Variants in RFC3 observed in about 807,000 individuals in gnomAD.
The protein encoded by RFC3 is A1 38 kDa subunit.
RFC3 carries 41 observed loss-of-function variants against 45.1 expected under a neutral mutation model. The observed-to-expected ratio is 0.91, with a 90% confidence interval of 0.71 to 1.18. The LOEUF (loss-of-function observed/expected upper bound fraction) is 1.18, where lower values mean the gene tolerates loss of function less well. RFC3 is among the 50% of genes most tolerant of loss of function. The pLI, the probability that RFC3 is intolerant of heterozygous loss-of-function variation, is 0.00. For missense variants in RFC3, 423 were observed against 428.1 expected (o/e 0.99, Z 0.10); for synonymous variants, 149 against 144.0 (o/e 1.03, Z -0.25).
In RFC3 at chr13:33,966,084, C is replaced by T. The variant is rs200038887; in HGVS notation, c.880-3C>T. 102 of 1,604,788 alleles carry T rather than the reference C, an allele frequency of 6.4e-5. No homozygotes were observed. In the Middle Eastern group the frequency reaches 1.2e-3, roughly 18 times the overall value. ...TTGATTGGATAGTGAATATCTCTTA[C>T]AGGCATGTAAGGAGGAATCAAGAAG... On this transcript the variant is annotated splice_polypyrimidine_tract_variant and splice_region_variant and intron_variant, in intron 8 of 8. Coordinates refer to the RFC3 transcript ENST00000434425.
chr13:33,909,159 A>G (rs1449386721), intron 8 of RFC3, among the ~76,000 whole-genome samples: 1 of 149,742 alleles, frequency 6.7e-6, no homozygotes. Context: ...TGTAATATAC[A>G]TTTTTTTTTT....
the RFC3 span, among the ~76,000 whole-genome samples, chr13:33,972,025 G>A: frequency 1.3e-5 from 2 of 152,132 alleles, no homozygotes; most frequent in Admixed American, 6.5e-5. Flanking sequence ...TGAGGCAAGA[G>A]AATCACTTGA....
At chr13:33,868,013 C>T (rs1445609451) in intron 8 of RFC3, among the ~76,000 whole-genome samples, 1 of 152,200 alleles carries the variant, frequency 6.6e-6, no homozygotes, top group Non-Finnish European at 1.5e-5. Context: ...TCACTCAGAG[C>T]TCTTAGACTT....
intron 8 of RFC3, among the ~76,000 whole-genome samples, chr13:33,854,906 C>T (rs1364771995): frequency 6.6e-6 from 1 of 151,840 alleles, no homozygotes; most frequent in Non-Finnish European, 1.5e-5. Context: ...TAGATATACC[C>T]CAGGGCCAAC....
chr13:33,878,768 C>T (rs1443050088), intron 8 of RFC3, among the ~76,000 whole-genome samples: 1 of 152,172 alleles, frequency 6.6e-6, no homozygotes, highest in Admixed American at 6.5e-5. Flanking sequence ...TCCATACCAG[C>T]TTCCATGAGC....
At chr13:33,902,994 TC>T (rs1232859021) in intron 8 of RFC3, among the ~76,000 whole-genome samples, 1 of 152,104 alleles carries the variant, frequency 6.6e-6, no homozygotes, top group East Asian at 1.9e-4. Context: ...TTCAAAGCCA[TC>T]CTGGGCCGCA....
intron 8 of RFC3, among the ~76,000 whole-genome samples, chr13:33,883,970 A>G (rs988360175): frequency 1.2e-4 from 19 of 152,076 alleles, no homozygotes; most frequent in Non-Finnish European, 2.4e-4. Flanking sequence ...CATTTGCTTT[A>G]TTTCTGGGGT....
intron 8 of RFC3, among the ~76,000 whole-genome samples, chr13:33,900,205 G>A (rs1267636508): frequency 1.3e-5 from 2 of 151,828 alleles, no homozygotes; most frequent in Non-Finnish European, 2.9e-5. Flanking sequence ...AACCACAAAA[G>A]ACTCTGAACA....
At position 33,821,127 on chromosome 13, in the gene RFC3, T is replaced by C; in HGVS notation, c.88-5T>C. ...AGGGAAAAATGCCTTGTTCTTTTTTTTCAGGTGCAGTGTGGTGACTTTCCT... is the reference window on the plus strand; with the variant it reads ...AGGGAAAAATGCCTTGTTCTTTTTTCTCAGGTGCAGTGTGGTGACTTTCCT... On this transcript the variant is annotated splice_polypyrimidine_tract_variant and splice_region_variant and intron_variant, in intron 1 of 8. Coordinates refer to ENST00000380071, the MANE Select transcript of RFC3 (RefSeq NM_002915.4). 1 of 1,613,412 alleles carries C rather than the reference T, an allele frequency of 6.2e-7. No individual in the cohort carries two copies. Among genetic ancestry groups the C allele is most frequent in the South Asian group, 1.1e-5 (1 of 91,022 alleles).
chr13:33,940,323 C>G, intron 8 of RFC3, among the ~76,000 whole-genome samples: 1 of 152,224 alleles, frequency 6.6e-6, no homozygotes, highest in South Asian at 2.1e-4. Flanking sequence ...TTCATTGCAA[C>G]TTATTCTTGA....
chr13:33,939,240 CAT>C (rs1418286154), intron 8 of RFC3, among the ~76,000 whole-genome samples: 1 of 152,024 alleles, frequency 6.6e-6, no homozygotes, highest in Non-Finnish European at 1.5e-5. Flanking sequence ...CCAATTTATC[CAT>C]CCCACCTGAG....
chr13:33,832,628 C>T (rs1360008524), intron 7 of RFC3, among the ~76,000 whole-genome samples: 1 of 151,942 alleles, frequency 6.6e-6, no homozygotes, highest in Non-Finnish European at 1.5e-5. Context: ...TATAAGTAGT[C>T]TCATTAGAAA....
At chr13:33,938,208 A>AAAAAAAAT (rs2082900461) in intron 8 of RFC3, among the ~76,000 whole-genome samples, 2 of 147,070 alleles carry the variant, frequency 1.4e-5, no homozygotes, top group Admixed American at 6.8e-5. Context: ...AAAAAAAAAA[A>AAAAAAAAT]GTAAGAGTTG....
intron 8 of RFC3, among the ~76,000 whole-genome samples, chr13:33,900,253 G>A (rs1392569316): frequency 2.0e-5 from 3 of 151,962 alleles, no homozygotes; most frequent in Middle Eastern, 3.4e-3. Context: ...AAAGCGGGAG[G>A]CATTACACTA....
the RFC3 span, among the ~76,000 whole-genome samples, chr13:33,977,252 G>A: frequency 1.4e-3 from 212 of 152,282 alleles, no homozygotes; most frequent in African/African-American, 4.6e-3. Context: ...ATTAACTGCG[G>A]TCTATCTATC....
At chr13:33,937,599 T>G (rs2082895232) in intron 8 of RFC3, among the ~76,000 whole-genome samples, 1 of 152,132 alleles carries the variant, frequency 6.6e-6, no homozygotes, top group Non-Finnish European at 1.5e-5. Flanking sequence ...CTGTACTTTT[T>G]TGCTCCTGTG....
intron 8 of RFC3, among the ~76,000 whole-genome samples, chr13:33,879,157 A>G (rs2082466399): frequency 6.6e-6 from 1 of 152,234 alleles, no homozygotes; most frequent in Non-Finnish European, 1.5e-5. Context: ...CTGCAGAAAC[A>G]CATTAAACCA....
rs989028388 is a variant in RFC3 at position 33,836,543 on chromosome 13, C to T, written c.*248C>T. The stretch of plus-strand genomic sequence containing the variant: ...GAAAATGATCTTAATTTACTTTAAG[C>T]ATTGGTTATTCAAGTATTCATTGTT... On this transcript the variant is annotated 3_prime_UTR_variant, in exon 9 of 9. Coordinates refer to ENST00000380071, the MANE Select transcript of RFC3 (RefSeq NM_002915.4). 5 of 1,188,056 alleles carry T rather than the reference C, an allele frequency of 4.2e-6. No homozygotes were observed. In the African/African-American group the frequency reaches 7.7e-5, roughly 18 times the overall value. 73.6% of individuals were successfully genotyped at this position (1,188,056 alleles called of 1,614,324 possible).
At chr13:33,899,204 C>CAAAAAAAAAAAAAAAAAAAAAAAAAA (rs59221382) in intron 8 of RFC3, among the ~76,000 whole-genome samples, 8 of 51,968 alleles carry the variant, frequency 1.5e-4, no homozygotes, top group Admixed American at 3.0e-4. Context: ...CACAATAAGA[C>CAAAAAAAAAAAAAAAAAAAAAAAAAA]AAAAAAAAAA....
Sources: allele counts gnomAD v4.1 joint callset (sites outside exome capture counted in the v4.1 genomes callset), GRCh38; gene constraint gnomAD v4.1.1; transcripts MANE v1.5; gene names NCBI Gene and HGNC (gene_info 2026-07-23, HGNC 2026-07-21).